POLR1C: variants seen among roughly 807,000 people sequenced by gnomAD.
POLR1C encodes DNA-directed RNA polymerases I and III subunit RPAC1.
In POLR1C, 42 loss-of-function variants were observed where a neutral mutation model predicts 38.3. The observed-to-expected ratio is 1.10, with a 90% CI of 0.86 to 1.42. The LOEUF is 1.42. Among genes scored for constraint, POLR1C ranks in the 40% most tolerant of loss-of-function variants. The pLI is 0.00. For synonymous variants in POLR1C, 163 were observed against 163.9 expected (o/e 0.99, Z 0.04); for missense variants, 507 against 450.5 (o/e 1.13, Z -1.14).
chr6:43,555,914 G>A, intron 10 of POLR1C: 2 of 1,613,958 alleles, frequency 1.2e-6, no homozygotes, highest in Non-Finnish European at 8.5e-7. Flanking sequence ...CTAGTTTTGG[G>A]ATCCAAACGA....
chr6:43,520,128 A>T lies in POLR1C; in HGVS notation c.445A>T (p.Asn149Tyr). Residue 149 changes from asparagine (N) to tyrosine (Y), a missense_variant, in exon 5 of 9, where the codon AAC (asparagine) becomes TAC (tyrosine). By Grantham distance (143) the Asn-to-Tyr change is moderately radical. Transcript: ENST00000642195. ...QFRLQVRCTR[N>Y]PHAAKDSSDP... Reference sequence around the variant, plus strand: ...TCGTCTCCAGGTCAGATGCACTCGGAACCCCCATGCTGCTAAAGATTCCTC... The same window carrying T: ...TCGTCTCCAGGTCAGATGCACTCGGTACCCCCATGCTGCTAAAGATTCCTC... 2 of 1,614,202 alleles carry T rather than the reference A, an allele frequency of 1.2e-6. No individual in the cohort carries two copies. The highest frequency in any genetic ancestry group is 1.7e-6 in the Non-Finnish European group (2 of 1,180,032).
downstream of POLR1C, among the ~76,000 whole-genome samples, chr6:43,534,243 C>T (rs965251611): frequency 2.0e-5 from 3 of 152,106 alleles, no homozygotes; most frequent in African/African-American, 7.2e-5. Context: ...GAACTAAACC[C>T]CAAGACACAG....
chr6:43,561,284 T>C (rs1352979713), intron 10 of POLR1C: 3 of 358,882 alleles, frequency 8.4e-6, no homozygotes, highest in Non-Finnish European at 1.5e-5. Context: ...ATTTCAGAAA[T>C]TACAGAAAGA....
chr6:43,533,386 AAAAT>A (rs1582203880), downstream of POLR1C: 2 of 152,696 alleles, frequency 1.3e-5, no homozygotes, highest in African/African-American at 4.8e-5. Flanking sequence ...ACGGGGAAAA[AAAAT>A]AAATTGCCTT....
At chr6:43,554,691 AG>A (rs1428174020) in intron 10 of POLR1C, among the ~76,000 whole-genome samples, 9 of 151,262 alleles carry the variant, frequency 5.9e-5, no homozygotes, top group African/African-American at 2.2e-4. Flanking sequence ...CTGAAGTGCT[AG>A]GATTACAGGC....
rs1793181319 is a variant in POLR1C, at chr6:43,521,394, C to T, written c.*94C>T. The T allele has an allele frequency of 1.2e-6, 2 of 1,600,032 alleles. No individual in the cohort carries two copies. The highest frequency in any genetic ancestry group is 1.7e-6 in the Non-Finnish European group (2 of 1,174,410). Reference sequence around the variant, plus strand: ...AGAGAGCCCAGTGTGACTAGGGATCCTGAGTTTTCTGGGACAATTCCAGCT... The same window carrying T: ...AGAGAGCCCAGTGTGACTAGGGATCTTGAGTTTTCTGGGACAATTCCAGCT... On this transcript the variant is annotated 3_prime_UTR_variant, in exon 9 of 9. Transcript: ENST00000642195.
In POLR1C at chr6:43,520,380, G is replaced by T; in HGVS notation, c.608G>T (p.Arg203Leu). 6.2e-7 allele frequency: 1 copy of T among 1,613,814 alleles called. No homozygotes were observed. Among genetic ancestry groups the T allele is most frequent in the Non-Finnish European group, 8.5e-7 (1 of 1,180,014 alleles). The change falls in exon 6 of 9, where the codon CGG becomes CTG. Residue 203 changes from arginine to leucine, a missense_variant. Transcript: ENST00000642195. ...GATGATATCCTCATCGCTCAGCTGC[G>T]GCCTGGCCAAGAAATTGACCTGCTC... ...VHDDILIAQLRPGQEIDLLMH... is the reference protein window; with the variant it reads ...VHDDILIAQLLPGQEIDLLMH...
rs545674939 is a variant in POLR1C at position 43,545,448 on chromosome 6, T to A, written c.*5-5520T>A. Reference sequence around the variant, plus strand: ...GAGGCCAGGTGTGGTGGCTCACTCCTGGAGTCCCAGCACTTTGGGAGGCCG... The same window carrying A: ...GAGGCCAGGTGTGGTGGCTCACTCCAGGAGTCCCAGCACTTTGGGAGGCCG... On this transcript the variant is annotated intron_variant, in intron 9 of 10. Transcript: ENST00000607635. 6.0e-4 allele frequency among the ~76,000 whole-genome samples: 92 copies of A among 152,134 alleles called. 1 individual carries two copies. Among genetic ancestry groups the A allele is most frequent in the Admixed American group, 6.0e-3 (91 of 15,280 alleles).
At chr6:43,541,684 C>T (rs906049767) in intron 9 of POLR1C, among the ~76,000 whole-genome samples, 1 of 152,226 alleles carries the variant, frequency 6.6e-6, no homozygotes, top group South Asian at 2.1e-4. Context: ...CCTTTTGTGT[C>T]TGGCTTCTTT....
At position 43,519,815 on chromosome 6, in the gene POLR1C, G is replaced by A. The variant is rs753326212; in HGVS notation, c.359G>A (p.Arg120His). 2.5e-6 allele frequency: 4 copies of A among 1,614,116 alleles called. No homozygotes were observed. The highest frequency in any genetic ancestry group is 2.2e-5 in the South Asian group (2 of 91,072). ...CTCATTCCCATTCATGCTGATCCCC[G>A]TCTTTTTGAGTATCGGAACCAAGGT... is the stretch of plus-strand genomic sequence containing the variant. ...LGLIPIHADP[R>H]LFEYRNQGDE... Residue 120 changes from arginine (R) to histidine (H), a missense_variant, in exon 4 of 9, where the codon CGT becomes CAT. Arg to His is a conservative substitution (Grantham distance 29). Transcript: ENST00000642195.
downstream of POLR1C, chr6:43,524,523 G>A: frequency 6.2e-7 from 1 of 1,613,950 alleles, no homozygotes; most frequent in Non-Finnish European, 8.5e-7. Context: ...GCGCTTGTCA[G>A]CCACTTTCTG....
intron 9 of POLR1C, chr6:43,550,083 T>C (rs1228891487): frequency 5.3e-6 from 4 of 748,492 alleles, no homozygotes; most frequent in Non-Finnish European, 8.9e-6. Context: ...GGCATGAGCT[T>C]ATTCATACTG....
At chr6:43,549,516 C>A in intron 9 of POLR1C, 5 of 1,613,176 alleles carry the variant, frequency 3.1e-6, no homozygotes, top group Non-Finnish European at 4.2e-6. Flanking sequence ...AGTCACGACA[C>A]ATCTTGATGA....
At chr6:43,537,606 C>G (rs1264811620) in intron 9 of POLR1C, among the ~76,000 whole-genome samples, 2 of 152,180 alleles carry the variant, frequency 1.3e-5, no homozygotes, top group African/African-American at 4.8e-5. Flanking sequence ...ATTTGGTCCT[C>G]AGGCTGCAGA....
chr6:43,536,822 GA>G (rs1434622592), intron 9 of POLR1C, among the ~76,000 whole-genome samples: 1 of 121,992 alleles, frequency 8.2e-6, no homozygotes, highest in Admixed American at 8.3e-5. Flanking sequence ...TAAAACACCT[GA>G]AAATTTTTTC....
At chr6:43,555,912 G>A in intron 10 of POLR1C, 1 of 1,613,888 alleles carries the variant, frequency 6.2e-7, no homozygotes, top group Non-Finnish European at 8.5e-7. Flanking sequence ...AGCTAGTTTT[G>A]GGATCCAAAC....
downstream of POLR1C, among the ~76,000 whole-genome samples, chr6:43,531,300 C>G (rs1357087912): frequency 6.6e-6 from 1 of 152,052 alleles, no homozygotes; most frequent in African/African-American, 2.4e-5. Context: ...ATGACAATTA[C>G]AAAAAAAGCA....
intron 10 of POLR1C, chr6:43,561,364 C>A: frequency 5.5e-6 from 1 of 180,436 alleles, no homozygotes; most frequent in Non-Finnish European, 1.2e-5. Flanking sequence ...TTACCTAATC[C>A]CTTCAATAGT....
intron 2 of POLR1C, among the ~76,000 whole-genome samples, chr6:43,518,424 G>A (rs563522972): frequency 1.3e-5 from 2 of 152,186 alleles, no homozygotes; most frequent in East Asian, 1.9e-4. Context: ...TCTGGGGAAC[G>A]GGAATGATGA....
Sources: allele counts gnomAD v4.1 joint callset (sites outside exome capture counted in the v4.1 genomes callset), GRCh38; gene constraint gnomAD v4.1.1; transcripts MANE v1.5; gene names NCBI Gene and HGNC (gene_info 2026-07-23, HGNC 2026-07-21).